The following PRKCB variants were observed in gnomAD, a reference collection of about 807,000 sequenced individuals.
PRKCB encodes the protein protein kinase C beta type.
Under a neutral mutation model 81.5 loss-of-function variants are expected in PRKCB, and 13 were observed. The observed-to-expected ratio is 0.16, with a 90% confidence interval of 0.10 to 0.25. The LOEUF (loss-of-function observed/expected upper bound fraction) is 0.25, where lower values mean the gene tolerates loss of function less well. PRKCB is among the 10% of genes least tolerant of loss of function. The pLI, the probability that PRKCB is intolerant of heterozygous loss-of-function variation, is 1.00. For missense variants in PRKCB, 509 were observed against 875.7 expected, an observed-to-expected ratio of 0.58 and a Z score of 5.29; for synonymous variants, 335 against 321.4, an observed-to-expected ratio of 1.04 and a Z score of -0.45.
chr16:23,855,735 G>C (rs1962554580), intron 2 of PRKCB, among the ~76,000 whole-genome samples: 1 of 152,208 alleles, frequency 6.6e-6, no homozygotes, highest in Non-Finnish European at 1.5e-5. Context: ...TTGTAATAGA[G>C]GCCAAAGCCA....
chr16:24,168,509 T>G (rs1967380902), intron 10 of PRKCB, among the ~76,000 whole-genome samples: 1 of 151,142 alleles, frequency 6.6e-6, no homozygotes, highest in Non-Finnish European at 1.5e-5. Context: ...AATTTCCATT[T>G]CATCATTTCA....
At chr16:23,889,168 A>G (rs986026502) in intron 2 of PRKCB, among the ~76,000 whole-genome samples, 5 of 141,438 alleles carry the variant, frequency 3.5e-5, no homozygotes, top group African/African-American at 6.1e-5. Context: ...CCATCCATCC[A>G]TCCGTCCATC....
At chr16:24,202,559 A>C (rs1458691462) in intron 16 of PRKCB, among the ~76,000 whole-genome samples, 3 of 152,110 alleles carry the variant, frequency 2.0e-5, no homozygotes, top group Non-Finnish European at 4.4e-5. Flanking sequence ...GATTCCCCTC[A>C]CCCATGGCTC....
chr16:24,025,290 T>C (rs962677194), intron 3 of PRKCB, among the ~76,000 whole-genome samples: 24 of 152,222 alleles, frequency 1.6e-4, no homozygotes, highest in Non-Finnish European at 1.5e-5. Flanking sequence ...TGCAATGCTG[T>C]GCTTGCCACG....
At position 23,912,136 on chromosome 16, in the gene PRKCB, C is replaced by T. The variant is rs144021586; in HGVS notation, c.205+74730C>T. The stretch of plus-strand genomic sequence containing the variant: ...CATGAGCCACTGTACCTAACTGCGC[C>T]ACCCCTTTATACCCTCCAGGGAGCT... On this transcript the variant is annotated intron_variant, in intron 2 of 16. Transcript: ENST00000643927. Among the ~76,000 whole-genome samples the T allele has an allele frequency of 6.0e-4, 91 of 152,116 alleles. 2 individuals are homozygous for T. The East Asian group carries it at 0.016, about 27-fold the overall frequency.
chr16:23,987,097 T>G (rs1034264804), intron 2 of PRKCB, among the ~76,000 whole-genome samples: 3 of 152,182 alleles, frequency 2.0e-5, no homozygotes, highest in African/African-American at 7.2e-5. Context: ...AAACTGTTGG[T>G]TTTTTTCCAC....
At chr16:23,991,753 C>G (rs541181130) in intron 3 of PRKCB, among the ~76,000 whole-genome samples, 1 of 152,336 alleles carries the variant, frequency 6.6e-6, no homozygotes, top group South Asian at 2.1e-4. Flanking sequence ...GGCTTGTCTC[C>G]TATGCGAGCA....
rs9924030 is a variant in PRKCB, at chr16:24,126,458, C to T, written c.1065+2477C>T. On this transcript the variant is annotated intron_variant, in intron 9 of 16. Transcript: ENST00000643927. ...CAGGCTGGAATGTAGTGGTGCATTA[C>T]GGTTCACTGCAGCCTCGACATGCTG... Among the ~76,000 whole-genome samples the T allele has an allele frequency of 6.9e-3, 1,048 of 152,180 alleles. 9 individuals are homozygous for T. The highest frequency in any genetic ancestry group is 0.024 in the African/African-American group (977 of 41,516).
intron 5 of PRKCB, among the ~76,000 whole-genome samples, chr16:24,087,389 G>T (rs1966322061): frequency 1.3e-5 from 2 of 152,178 alleles, no homozygotes; most frequent in Non-Finnish European, 2.9e-5. Context: ...CAGTATGAAT[G>T]CGCCATATAT....
intron 5 of PRKCB, among the ~76,000 whole-genome samples, chr16:24,051,267 A>G (rs543775940): frequency 1.0e-3 from 153 of 152,332 alleles, no homozygotes; most frequent in African/African-American, 3.5e-3. Context: ...GAGAAGGAGC[A>G]GGTAGGGCGG....
At position 23,983,532 on chromosome 16, in the gene PRKCB, A is replaced by G. The variant is rs190414259; in HGVS notation, c.206-4976A>G. ...CATCCAGGAGCTACATCTACCATGA[A>G]GTTGGTTATGTTTTCTCCTTTTTCT... is the stretch of plus-strand genomic sequence containing the variant. On this transcript the variant is annotated intron_variant, in intron 2 of 16. Coordinates refer to ENST00000643927, the MANE Select transcript of PRKCB (RefSeq NM_002738.7). 2.6e-5 allele frequency among the ~76,000 whole-genome samples: 4 copies of G among 152,220 alleles called. No individual in the cohort carries two copies. The East Asian group carries it at 7.7e-4, about 29-fold the overall frequency.
chr16:24,120,202 G>A (rs890962502), intron 8 of PRKCB, among the ~76,000 whole-genome samples: 6 of 152,064 alleles, frequency 3.9e-5, no homozygotes, highest in South Asian at 2.1e-4. Context: ...CGGGGGTTGC[G>A]GGGGGCGTCG....
intron 5 of PRKCB, among the ~76,000 whole-genome samples, chr16:24,036,849 C>T (rs1162823296): frequency 6.6e-6 from 1 of 152,172 alleles, no homozygotes; most frequent in Non-Finnish European, 1.5e-5. Context: ...TGAGACTCTG[C>T]TTCCCTCTGG....
chr16:24,214,729 G>A lies in PRKCB; in HGVS notation c.1935G>A (p.Gln645=). 1.2e-6 allele frequency: 2 copies of A among 1,614,152 alleles called. No homozygotes were observed. Among genetic ancestry groups the A allele is most frequent in the Non-Finnish European group, 8.5e-7 (1 of 1,180,024 alleles). ...RHPPVLTPPD[Q]EVIRNIDQSE... is the part of the protein sequence containing the mutation. ...CACCAGTCCTAACACCTCCCGACCA[G>A]GAAGTCATCAGGAATATTGACCAAT... The change falls in exon 17 of 17, where the codon CAG becomes CAA. Residue 645 remains glutamine (Q), a synonymous_variant. Transcript: ENST00000643927.
intron 3 of PRKCB, among the ~76,000 whole-genome samples, chr16:24,021,188 C>CTCTTTCTTTCTTTCTT (rs58292773): frequency 4.2e-4 from 26 of 62,122 alleles, no homozygotes; most frequent in African/African-American, 1.2e-3. Context: ...CCCTTCCTTC[C>CTCTTTCTTTCTTTCTT]TCTTTCTTTC....
chr16:24,028,531 G>C (rs566835179), intron 3 of PRKCB, among the ~76,000 whole-genome samples: 1 of 152,204 alleles, frequency 6.6e-6, no homozygotes, highest in East Asian at 1.9e-4. Context: ...AACCACTGAT[G>C]TTTTCTGTCC....
At chr16:24,029,375 C>T (rs1270796180) in intron 3 of PRKCB, among the ~76,000 whole-genome samples, 6 of 152,106 alleles carry the variant, frequency 3.9e-5, no homozygotes, top group Non-Finnish European at 7.3e-5. Context: ...AGTTCTCACA[C>T]GATCTGATGG....
At chr16:24,205,261 C>T (rs947483432) in intron 16 of PRKCB, among the ~76,000 whole-genome samples, 2 of 151,004 alleles carry the variant, frequency 1.3e-5, no homozygotes, top group African/African-American at 2.4e-5. Context: ...AGGGATTCCC[C>T]GTGCCTCAGC....
intron 2 of PRKCB, among the ~76,000 whole-genome samples, chr16:23,965,208 ATG>A (rs1410686564): frequency 3.9e-5 from 6 of 152,102 alleles, no homozygotes; most frequent in Admixed American, 3.9e-4. Flanking sequence ...TGAGTGCCTG[ATG>A]TTTAGCTCCC....
Sources: gnomAD v4.1 joint callset for allele counts (sites outside exome capture counted in the v4.1 genomes callset) on GRCh38, gnomAD v4.1.1 for gene constraint, MANE v1.5 for transcripts, NCBI Gene and HGNC (gene_info 2026-07-23, HGNC 2026-07-21) for gene names.